Variants in NSD2 observed in about 807,000 individuals in gnomAD.
NSD2 encodes the protein histone-lysine N-methyltransferase NSD2.
A neutral mutation model predicts 139.0 loss-of-function variants in NSD2; 12 were observed. The ratio of observed to expected loss-of-function variants is 0.09; its 90% CI spans 0.06 to 0.14. The LOEUF (loss-of-function observed/expected upper bound fraction) is 0.14, where lower values mean the gene tolerates loss of function less well. Among genes scored for constraint, NSD2 ranks in the 10% least tolerant of loss-of-function variants. The pLI is 1.00. For missense variants in NSD2, 1,155 were observed against 1,745.0 expected, an observed-to-expected ratio of 0.66 and a Z score of 6.02; for synonymous variants, 669 against 648.7, an observed-to-expected ratio of 1.03 and a Z score of -0.48.
At chr4:1,965,378 T>TG (rs1725782093) in intron 18 of NSD2, among the ~76,000 whole-genome samples, 1 of 152,188 alleles carries the variant, frequency 6.6e-6, no homozygotes. Flanking sequence ...AAGGGGTATG[T>TG]GGGCTACCAC....
chr4:1,888,864 C>G (rs1012910271), intron 1 of NSD2, among the ~76,000 whole-genome samples: 3 of 148,686 alleles, frequency 2.0e-5, no homozygotes, highest in African/African-American at 7.5e-5. Context: ...CCACGCCTGG[C>G]TGCTTTATTA....
In NSD2 at chr4:1,909,518, G is replaced by A. The variant is rs1469625475; in HGVS notation, c.760+5140G>A. On this transcript the variant is annotated intron_variant, in intron 3 of 21. Transcript: ENST00000508803. ...TGATGAGAATGAGACAGTGAGTGGT[G>A]AGTGTCGTTGTTTTGGAAGGACAGG... Among the ~76,000 whole-genome samples the A allele has an allele frequency of 2.0e-5, 3 of 152,148 alleles. No individual in the cohort carries two copies. The East Asian group carries it at 5.8e-4, about 29-fold the overall frequency.
Position 1,979,680 on chromosome 4 carries a change from C to T in NSD2, c.*771C>T, listed in dbSNP as rs1241939111. 4.3e-6 allele frequency: 1 copy of T among 232,420 alleles called. No individual in the cohort carries two copies. Among genetic ancestry groups the T allele is most frequent in the Non-Finnish European group, 8.5e-6 (1 of 117,598 alleles). 14.4% of individuals were successfully genotyped at this position (232,420 alleles called of 1,614,324 possible). The stretch of plus-strand genomic sequence containing the variant: ...CACCTGGGCCTATCTTCTGAACTCG[C>T]TAGGTTCTTATCAACATTTGGGGGA... On this transcript the variant is annotated 3_prime_UTR_variant, in exon 22 of 22. Coordinates refer to ENST00000508803, the MANE Select transcript of NSD2 (RefSeq NM_001042424.3).
Position 1,930,628 on chromosome 4 carries a change from G to C in NSD2, c.1413G>C (p.Val471=). Residue 471 remains valine (V), a splice_region_variant and synonymous_variant, in exon 6 of 22, where the codon GTG becomes GTC. Transcript: ENST00000508803. ...TGCACCTTCTCCCGTTCCCACAGGT[G>C]GTAGCTGAGCACCCAGATGCTTCAG... The part of the protein sequence containing the change: ...LVFCQKHRDE[V]VAEHPDASGE... 6.2e-7 allele frequency: 1 copy of C among 1,606,928 alleles called. No homozygotes were observed. The highest frequency in any genetic ancestry group is 8.5e-7 in the Non-Finnish European group (1 of 1,176,310).
intron 3 of NSD2, among the ~76,000 whole-genome samples, chr4:1,914,323 C>T (rs1295423464): frequency 6.6e-6 from 1 of 152,016 alleles, no homozygotes; most frequent in Non-Finnish European, 1.5e-5. Context: ...GCACCCAGCC[C>T]AGAGTATGCT....
chr4:1,973,455 G>A lies in NSD2; in HGVS notation c.3373-1408G>A, dbSNP rs1050181913. ...TGCCAACGTGCACATCAGCACCGCG[G>A]CTCAGCGCGTCATGACAAAGCATCT... On this transcript the variant is annotated intron_variant, in intron 18 of 21. Coordinates refer to ENST00000508803, the MANE Select transcript of NSD2 (RefSeq NM_001042424.3). This position sits in a 1 kb window ranked among gnomAD's most constrained non-coding sequence, Gnocchi z 5.5. 3.3e-5 allele frequency among the ~76,000 whole-genome samples: 5 copies of A among 152,250 alleles called. No individual in the cohort carries two copies. Among genetic ancestry groups the A allele is most frequent in the Admixed American group, 1.3e-4 (2 of 15,284 alleles).
Position 1,979,552 on chromosome 4 carries a change from T to G in NSD2, c.*643T>G, listed in dbSNP as rs1727542733. The G allele has an allele frequency of 8.6e-6, 2 of 232,898 alleles. No individual in the cohort carries two copies. Among genetic ancestry groups the G allele is most frequent in the African/African-American group, 4.4e-5 (2 of 45,320 alleles). The allele number at this position is 232,898 out of a possible 1,614,324, so 14.4% of individuals were successfully genotyped here. On this transcript the variant is annotated 3_prime_UTR_variant, in exon 22 of 22. Coordinates refer to ENST00000508803, the MANE Select transcript of NSD2 (RefSeq NM_001042424.3). ...TGTTGTAAGATTTCCTCCCGTAGTTTTTTCTCCTCATGGATTTGAATGAAA... is the reference window on the plus strand; with the variant it reads ...TGTTGTAAGATTTCCTCCCGTAGTTGTTTCTCCTCATGGATTTGAATGAAA...
rs916366176 is a variant in NSD2 at position 1,948,859 on chromosome 4, A to AT, written c.1882-2205dup. The AT allele has an allele frequency of 5.8e-5, 57 of 976,970 alleles. No individual in the cohort carries two copies. Among genetic ancestry groups the AT allele is most frequent in the Admixed American group, 3.0e-4 (5 of 16,906 alleles). The allele number at this position is 976,970 out of a possible 1,614,324, so 60.5% of individuals were successfully genotyped here. A position where few individuals can be genotyped will look rare whatever the true frequency, so the allele number is the denominator to read the frequency against. On this transcript the variant is annotated intron_variant, in intron 9 of 21. Coordinates refer to ENST00000508803, the MANE Select transcript of NSD2 (RefSeq NM_001042424.3). The surrounding 1 kb of genome is among the most constrained non-coding windows in gnomAD (Gnocchi z 4.5). ...GTGTTTTCTGTCTTTCTCTCCATGC[A>AT]TTTTTTTTCTCATTTTTAAAGCTTT...
chr4:1,894,805 T>C (rs1384463205), intron 1 of NSD2, among the ~76,000 whole-genome samples: 2 of 152,194 alleles, frequency 1.3e-5, no homozygotes, highest in Non-Finnish European at 2.9e-5. Context: ...TAACATAAAA[T>C]TTACCATTTT....
Position 1,955,069 on chromosome 4 carries a change from A to C in NSD2, c.2339-92A>C. ...ATTTCATTTTAGCATTAACTTTTCA[A>C]ATTCATGGAGGCTGAGTAATTATTA... is the stretch of plus-strand genomic sequence containing the variant. On this transcript the variant is annotated intron_variant, in intron 12 of 21. Coordinates refer to ENST00000508803, the MANE Select transcript of NSD2 (RefSeq NM_001042424.3). This position sits in a 1 kb window ranked among gnomAD's most constrained non-coding sequence, Gnocchi z 4.7. 7.4e-7 allele frequency: 1 copy of C among 1,354,252 alleles called. No homozygotes were observed. Among genetic ancestry groups the C allele is most frequent in the Non-Finnish European group, 1.0e-6 (1 of 1,000,452 alleles). 83.9% of individuals were successfully genotyped at this position (1,354,252 alleles called of 1,614,324 possible).
chr4:1,880,212 C>G (rs1243429449), intron 1 of NSD2, among the ~76,000 whole-genome samples: 1 of 152,116 alleles, frequency 6.6e-6, no homozygotes, highest in Non-Finnish European at 1.5e-5. Context: ...AGCAGCAAAG[C>G]ATCTTCTTCT....
chr4:1,871,402 C>A lies in NSD2; in HGVS notation c.-170C>A, dbSNP rs1713743718. The A allele has an allele frequency of 7.0e-6, 1 of 143,524 alleles. No individual in the cohort carries two copies. The highest frequency in any genetic ancestry group is 6.9e-5 in the Admixed American group (1 of 14,550). The allele number at this position is 143,524 out of a possible 1,614,324, so 8.9% of individuals were successfully genotyped here. A position where few individuals can be genotyped will look rare whatever the true frequency, so the allele number is the denominator to read the frequency against. ...GCGCGGGGGCGGGGTCGGCGCCGCG[C>A]GCGAGAGCCTCGGCCTGGCCGCGCT... On this transcript the variant is annotated 5_prime_UTR_variant, in exon 1 of 22. Transcript: ENST00000508803.
intron 12 of NSD2, among the ~76,000 whole-genome samples, chr4:1,953,736 C>G (rs971228568): frequency 6.6e-6 from 1 of 151,994 alleles, no homozygotes. Flanking sequence ...CCTAAAGATG[C>G]TTAACTATAG....
intron 9 of NSD2, chr4:1,941,467 C>T: frequency 9.5e-7 from 1 of 1,047,312 alleles, no homozygotes; most frequent in Non-Finnish European, 1.2e-6. Flanking sequence ...GCCCATGAGT[C>T]AGGGGAGCTC....
intron 10 of NSD2, 75 bp from the exon 11 acceptor site, chr4:1,952,033 A>C (rs1166741742): frequency 6.4e-7 from 1 of 1,550,598 alleles, no homozygotes; most frequent in African/African-American, 1.4e-5. Context: ...AGACAGAAGC[A>C]GACGGCTTCC....
At chr4:1,941,913 T>TA (rs1723141429) in intron 9 of NSD2, 3 of 1,072,138 alleles carry the variant, frequency 2.8e-6, no homozygotes, top group African/African-American at 1.6e-5. Context: ...TGTAGTGTTA[T>TA]AAAAAACAGC....
intron 8 of NSD2, 92 bp from the exon 9 acceptor site, chr4:1,939,562 T>C (rs1722861741): frequency 7.8e-7 from 1 of 1,285,014 alleles, no homozygotes; most frequent in Non-Finnish European, 1.1e-6. Context: ...GATTCATCTT[T>C]AGAACTTCAC....
intron 1 of NSD2, among the ~76,000 whole-genome samples, chr4:1,872,637 C>CGCGAGAGCGCGAGA (rs1553856508): frequency 3.7e-5 from 3 of 81,848 alleles, no homozygotes; most frequent in African/African-American, 1.3e-4. Flanking sequence ...AGAGAGAGAG[C>CGCGAGAGCGCGAGA]GCGCAGACCC....
rs757460901 is a variant in NSD2 at position 1,979,859 on chromosome 4, T to C, written c.*950T>C. 1.7e-5 allele frequency: 4 copies of C among 232,604 alleles called. No homozygotes were observed. Among genetic ancestry groups the C allele is most frequent in the Non-Finnish European group, 3.4e-5 (4 of 117,716 alleles). 14.4% of individuals were successfully genotyped at this position (232,604 alleles called of 1,614,324 possible). ...AGCTCCATGGCGAAAGGAGTGACTT[T>C]GCAGGGCGTGAGACCGCAGTCTGCT... On this transcript the variant is annotated 3_prime_UTR_variant, in exon 22 of 22. Transcript: ENST00000508803.
Sources: allele counts gnomAD v4.1 joint callset (sites outside exome capture counted in the v4.1 genomes callset), GRCh38; gene constraint gnomAD v4.1.1; non-coding constraint Gnocchi (gnomAD v3.1); transcripts MANE v1.5; gene names NCBI Gene and HGNC (gene_info 2026-07-23, HGNC 2026-07-21).